ABCB1: variants seen among roughly 807,000 people sequenced by gnomAD.
ABCB1 encodes the protein ATP-dependent translocase ABCB1.
A neutral mutation model predicts 142.0 loss-of-function variants in ABCB1; 69 were observed. The observed-to-expected ratio is 0.49, with a 90% CI of 0.40 to 0.59. The LOEUF (loss-of-function observed/expected upper bound fraction) is 0.59, where lower values mean the gene tolerates loss of function less well. ABCB1 is among the 20% of genes least tolerant of loss of function. The pLI is 0.00. For synonymous variants in ABCB1, 532 were observed against 539.2 expected (o/e 0.99, Z 0.18); for missense variants, 1,326 against 1,554.7 (o/e 0.85, Z 2.47).
chr7:87,567,140 A>G (rs192507274), intron 5 of ABCB1, among the ~76,000 whole-genome samples, 164 bp from the exon 6 acceptor site: 1 of 152,326 alleles, frequency 6.6e-6, no homozygotes, highest in African/African-American at 2.4e-5. Flanking sequence ...CCATCCAACT[A>G]TGTTTGCACC....
intron 1 of ABCB1, among the ~76,000 whole-genome samples, chr7:87,687,129 G>A (rs1827544158): frequency 6.6e-6 from 1 of 152,032 alleles, no homozygotes; most frequent in South Asian, 2.1e-4. Flanking sequence ...CTCACATTCA[G>A]TTTAGATTTT....
At chr7:87,558,179 C>T (rs998733718) in intron 8 of ABCB1, among the ~76,000 whole-genome samples, 2 of 152,154 alleles carry the variant, frequency 1.3e-5, no homozygotes, top group Non-Finnish European at 2.9e-5. Context: ...GTTAGCAGTG[C>T]CCTTGGTGAA....
At chr7:87,690,006 T>TG (rs2130640017) in intron 1 of ABCB1, among the ~76,000 whole-genome samples, 1 of 152,162 alleles carries the variant, frequency 6.6e-6, no homozygotes, top group African/African-American at 2.4e-5. Flanking sequence ...ATTTTTAAAT[T>TG]TTTTATAGAG....
At chr7:87,539,147 T>A in intron 19 of ABCB1, 121 bp downstream of exon 19, 1 of 1,068,790 alleles carries the variant, frequency 9.4e-7, no homozygotes. Context: ...GACGTGAGAC[T>A]GAGGGACAAC....
intron 1 of ABCB1, among the ~76,000 whole-genome samples, chr7:87,651,666 A>C (rs916859426): frequency 6.6e-6 from 1 of 152,114 alleles, no homozygotes; most frequent in Non-Finnish European, 1.5e-5. Context: ...ACAGTTTCAC[A>C]TCAGTAGTAG....
intron 1 of ABCB1, among the ~76,000 whole-genome samples, chr7:87,651,983 A>C (rs1208303678): frequency 1.3e-5 from 2 of 152,032 alleles, no homozygotes; most frequent in African/African-American, 4.8e-5. Context: ...GTGTTTCCTA[A>C]ATTTTCTGCC....
intron 1 of ABCB1, among the ~76,000 whole-genome samples, chr7:87,712,563 A>T (rs180788407): frequency 6.6e-6 from 1 of 152,174 alleles, no homozygotes; most frequent in Admixed American, 6.5e-5. Context: ...ATCTCTCTAA[A>T]TTGTTAGTCT....
At chr7:87,588,248 G>A (rs1818845953) in intron 3 of ABCB1, among the ~76,000 whole-genome samples, 4 of 151,636 alleles carry the variant, frequency 2.6e-5, no homozygotes, top group Admixed American at 6.6e-5. Flanking sequence ...CTTGTTTCAT[G>A]GGGGGTTGTT....
chr7:87,688,869 A>G (rs1021839820), intron 1 of ABCB1, among the ~76,000 whole-genome samples: 3 of 151,964 alleles, frequency 2.0e-5, no homozygotes, highest in African/African-American at 7.2e-5. Flanking sequence ...ATTTGTATTT[A>G]TTTATAATGA....
At chr7:87,676,595 T>C (rs927213664) in intron 1 of ABCB1, among the ~76,000 whole-genome samples, 1 of 148,980 alleles carries the variant, frequency 6.7e-6, no homozygotes, top group African/African-American at 2.5e-5. Flanking sequence ...TCCCAGCTAC[T>C]CAGGAGGCTG....
At chr7:87,664,551 G>T (rs1385400253) in intron 1 of ABCB1, among the ~76,000 whole-genome samples, 1 of 152,020 alleles carries the variant, frequency 6.6e-6, no homozygotes, top group Non-Finnish European at 1.5e-5. Flanking sequence ...TGGAAATTCT[G>T]AGTAGAGAAA....
intron 27 of ABCB1, among the ~76,000 whole-genome samples, chr7:87,505,638 A>C (rs1814698411): frequency 6.6e-6 from 1 of 152,204 alleles, no homozygotes. Flanking sequence ...AGTAGGAAAT[A>C]TGGTTCCTGA....
intron 9 of ABCB1, among the ~76,000 whole-genome samples, chr7:87,553,087 A>G (rs1324844776): frequency 6.6e-6 from 1 of 152,172 alleles, no homozygotes; most frequent in Non-Finnish European, 1.5e-5. Flanking sequence ...TTTGAAAAGA[A>G]GTCAAAATGT....
chr7:87,622,739 A>C (rs1344761928), intron 1 of ABCB1, among the ~76,000 whole-genome samples: 1 of 152,222 alleles, frequency 6.6e-6, no homozygotes, highest in African/African-American at 2.4e-5. Flanking sequence ...TAGAAAAAAC[A>C]ATAAATTATG....
Position 87,549,456 on chromosome 7 carries a change from G to A in ABCB1, c.1617C>T (p.Ile539=), listed in dbSNP as rs35633772. 3.1e-6 allele frequency: 5 copies of A among 1,614,026 alleles called. No homozygotes were observed. Among genetic ancestry groups the A allele is most frequent in the Middle Eastern group, 3.3e-4 (2 of 6,084 alleles). ...TGCGAACCAGGGCACGTGCAATGGC[G>A]ATCCTCTGCTTCTGCCCACCACTCA... is the stretch of plus-strand genomic sequence containing the variant. ...AQLSGGQKQR[I]AIARALVRNP... Residue 539 remains isoleucine (I), a synonymous_variant, in exon 14 of 28, where the codon ATC becomes ATT. Transcript: ENST00000622132.
intron 14 of ABCB1, 102 bp downstream of exon 14, chr7:87,549,246 G>A (rs906715737): frequency 5.9e-6 from 8 of 1,367,454 alleles, no homozygotes; most frequent in Admixed American, 3.8e-5. Context: ...TCACCTAGAA[G>A]CTATCAGAAA....
At position 87,566,060 on chromosome 7, in the gene ABCB1, C is replaced by T; in HGVS notation, c.702+10G>A. On this transcript the variant is annotated intron_variant, in intron 7 of 27. Transcript: ENST00000622132. Reference sequence around the variant, plus strand: ...GCAGTTCAAAATCTGGATTCACAGGCTTCACCTACCTTTGCCCAGACAGCA... The same window carrying T: ...GCAGTTCAAAATCTGGATTCACAGGTTTCACCTACCTTTGCCCAGACAGCA... 6.2e-7 allele frequency: 1 copy of T among 1,614,158 alleles called. No homozygotes were observed.
intron 1 of ABCB1, among the ~76,000 whole-genome samples, chr7:87,606,416 T>A (rs757520525): frequency 3.9e-5 from 6 of 152,106 alleles, no homozygotes; most frequent in Admixed American, 6.5e-5. Context: ...AGGAAATCTA[T>A]CTTAAAGAAA....
At chr7:87,530,375 A>G (rs1815981916) in intron 21 of ABCB1, among the ~76,000 whole-genome samples, 1 of 152,164 alleles carries the variant, frequency 6.6e-6, no homozygotes, top group African/African-American at 2.4e-5. Flanking sequence ...TTTGGAGCAC[A>G]ACTGTCTGAG....
Sources: gnomAD v4.1 joint callset for allele counts (sites outside exome capture counted in the v4.1 genomes callset) on GRCh38, gnomAD v4.1.1 for gene constraint, MANE v1.5 for transcripts, NCBI Gene and HGNC (gene_info 2026-07-23, HGNC 2026-07-21) for gene names.